F5: variants seen among roughly 807,000 people sequenced by gnomAD.
F5 encodes activated protein c cofactor.
F5 carries 138 observed loss-of-function variants against 216.4 expected under a neutral mutation model. The observed-to-expected ratio is 0.64, with a 90% CI of 0.56 to 0.73. The LOEUF is 0.73. Among genes scored for constraint, F5 ranks in the 30% least tolerant of loss-of-function variants. The pLI is 0.00. For missense variants in F5, 2,403 were observed against 2,674.0 expected, an observed-to-expected ratio of 0.90 and a Z score of 2.24; for synonymous variants, 916 against 930.7, an observed-to-expected ratio of 0.98 and a Z score of 0.29.
intron 15 of F5, 53 bp downstream of exon 15, chr1:169,530,733 C>T (rs1274453349): frequency 2.0e-6 from 3 of 1,488,946 alleles, no homozygotes; most frequent in Admixed American, 3.3e-5. Context: ...ATTTGGTGGA[C>T]TTCAGATTAC....
rs368064025 is a variant in F5, at chr1:169,525,937, C to T, written c.5680G>A (p.Ala1894Thr). The change falls in exon 18 of 25, where the codon GCA (alanine) becomes ACA (threonine). Residue 1894 changes from alanine to threonine, a missense_variant. Coordinates refer to ENST00000367797, the MANE Select transcript of F5 (RefSeq NM_000130.5). ...ATAAGAAATGGCGTTTGCATCCCTG[C>T]TCTCTGGTTTTCTCCAACCTCTGTG... is the stretch of plus-strand genomic sequence containing the variant. ...LNTEVGENQR[A>T]GMQTPFLIMD... 6.2e-7 allele frequency: 1 copy of T among 1,613,296 alleles called. No individual in the cohort carries two copies. Among genetic ancestry groups the T allele is most frequent in the Non-Finnish European group, 8.5e-7 (1 of 1,179,390 alleles).
At chr1:169,565,503 C>T (rs1660579096) in intron 3 of F5, among the ~76,000 whole-genome samples, 1 of 152,064 alleles carries the variant, frequency 6.6e-6, no homozygotes, top group Admixed American at 6.6e-5. Context: ...CAGCCTAGGT[C>T]AACAAGTCAA....
intron 19 of F5, among the ~76,000 whole-genome samples, chr1:169,524,218 C>A (rs1464908132): frequency 6.6e-6 from 1 of 152,176 alleles, no homozygotes; most frequent in Admixed American, 6.6e-5. Flanking sequence ...TATATGGGAG[C>A]CTCATCATCC....
rs183726377 is a variant in F5 at position 169,513,759 on chromosome 1, A to G, written c.*554T>C. 4.6e-5 allele frequency among the ~76,000 whole-genome samples: 7 copies of G among 152,234 alleles called. No individual in the cohort carries two copies. Among genetic ancestry groups the G allele is most frequent in the East Asian group, 1.9e-4 (1 of 5,164 alleles). On this transcript the variant is annotated 3_prime_UTR_variant, in exon 25 of 25. Coordinates refer to ENST00000367797, the MANE Select transcript of F5 (RefSeq NM_000130.5). ...AGACCAGGACGGATTCACAATTTCA[A>G]TGGGGCTACTGGAAAGATGCTTGGC...
chr1:169,580,152 A>G (rs924383358), intron 2 of F5, among the ~76,000 whole-genome samples: 7 of 152,112 alleles, frequency 4.6e-5, no homozygotes, highest in African/African-American at 1.4e-4. Context: ...TCAGCTATCA[A>G]TCTAGAAATA....
chr1:169,541,305 A>T lies in F5; in HGVS notation c.3785T>A (p.Leu1262His). Residue 1262 changes from leucine (L) to histidine (H), a missense_variant, in exon 13 of 25, where the codon CTC becomes CAC. Physicochemically the swap from Leu to His is moderately conservative, Grantham distance 99. Coordinates refer to ENST00000367797, the MANE Select transcript of F5 (RefSeq NM_000130.5). ...GGCTGGAGAAAGGTTTGTCTGACTG[A>T]GTTCTGGAGAGAGGTTTGTCTGGCT... ...DLSQTNLSPE[L>H]SQTNLSPALG... 1 of 1,574,040 alleles carries T rather than the reference A, an allele frequency of 6.4e-7. No individual in the cohort carries two copies. The highest frequency in any genetic ancestry group is 8.7e-7 in the Non-Finnish European group (1 of 1,154,944).
intron 24 of F5, 63 bp from the exon 25 acceptor site, chr1:169,514,522 G>T: frequency 1.4e-6 from 2 of 1,458,966 alleles, no homozygotes; most frequent in African/African-American, 1.4e-5. Context: ...TTTTGTTTTT[G>T]TTTTTTTTTA....
chr1:169,531,761 G>C (rs1571566882), intron 14 of F5, among the ~76,000 whole-genome samples: 1 of 152,232 alleles, frequency 6.6e-6, no homozygotes, highest in Non-Finnish European at 1.5e-5. Flanking sequence ...TCACACCCCA[G>C]CAGTCAGACC....
At chr1:169,527,466 A>G (rs984038709) in intron 17 of F5, among the ~76,000 whole-genome samples, 1 of 152,202 alleles carries the variant, frequency 6.6e-6, no homozygotes, top group African/African-American at 2.4e-5. Flanking sequence ...CAAACAGTCT[A>G]TAAGTCAGTT....
chr1:169,555,049 C>G, intron 7 of F5, 133 bp downstream of exon 7: 1 of 1,012,110 alleles, frequency 9.9e-7, no homozygotes, highest in Admixed American at 2.0e-5. Flanking sequence ...TTAATTTTTA[C>G]AAAAAGACTT....
intron 22 of F5, 46 bp from the exon 23 acceptor site, chr1:169,518,609 TG>T (rs757163642): frequency 1.2e-6 from 2 of 1,604,258 alleles, no homozygotes; most frequent in Non-Finnish European, 8.5e-7. Context: ...CAATATTCCC[TG>T]CATGGCTTCA....
intron 2 of F5, among the ~76,000 whole-genome samples, chr1:169,581,644 G>A (rs1232392244): frequency 1.3e-5 from 2 of 152,146 alleles, no homozygotes; most frequent in East Asian, 3.9e-4. Flanking sequence ...AAAGGGACAG[G>A]TGAATTACTG....
chr1:169,526,408 A>G (rs1557908209), intron 17 of F5, among the ~76,000 whole-genome samples: 1 of 152,012 alleles, frequency 6.6e-6, no homozygotes, highest in Non-Finnish European at 1.5e-5. Flanking sequence ...TCTCTTTTTT[A>G]TATAAGAAAA....
intron 3 of F5, among the ~76,000 whole-genome samples, chr1:169,571,215 A>G (rs779422641): frequency 3.9e-5 from 6 of 152,176 alleles, no homozygotes; most frequent in Non-Finnish European, 7.4e-5. Flanking sequence ...CCATATTAAC[A>G]TCAGGTACTT....
chr1:169,538,615 C>A (rs1659760483), intron 13 of F5, among the ~76,000 whole-genome samples: 1 of 152,090 alleles, frequency 6.6e-6, no homozygotes, highest in African/African-American at 2.4e-5. Flanking sequence ...GGGGTACACC[C>A]ATATAATGGA....
intron 22 of F5, among the ~76,000 whole-genome samples, 190 bp from the exon 23 acceptor site, chr1:169,518,753 T>C (rs1220532842): frequency 6.6e-6 from 1 of 152,186 alleles, no homozygotes; most frequent in Non-Finnish European, 1.5e-5. Flanking sequence ...ATAATGCTCA[T>C]AAATATCTCC....
chr1:169,527,991 C>T lies in F5; in HGVS notation c.5523G>A (p.Val1841=), dbSNP rs1659499959. 2 of 1,613,748 alleles carry T rather than the reference C, an allele frequency of 1.2e-6. No individual in the cohort carries two copies. The highest frequency in any genetic ancestry group is 2.7e-5 in the African/African-American group (2 of 74,888). ...LNIGGSQDIH[V]VHFHGQTLLE... ...GCAAGGTCTGGCCGTGAAAGTGAAC[C>T]ACGTGAATGTCTTGGGAGCCGCCTA... is the stretch of plus-strand genomic sequence containing the variant. Residue 1841 remains valine (V), a synonymous_variant, in exon 17 of 25, where the codon GTG becomes GTA. Transcript: ENST00000367797.
Position 169,544,785 on chromosome 1 carries a change from T to G in F5, c.1763-277A>C, listed in dbSNP as rs9332597. On this transcript the variant is annotated intron_variant, in intron 11 of 24. Coordinates refer to ENST00000367797, the MANE Select transcript of F5 (RefSeq NM_000130.5). Reference sequence around the variant, plus strand: ...AGTCATTCATCAAATGTATAGTAAATATTTTGTGCTCCATTCTCTGCCTTT... The same window carrying G: ...AGTCATTCATCAAATGTATAGTAAAGATTTTGTGCTCCATTCTCTGCCTTT... Among the ~76,000 whole-genome samples, 541 of 152,360 alleles carry G rather than the reference T, an allele frequency of 3.6e-3. 2 individuals carry two copies. The highest frequency in any genetic ancestry group is 0.014 in the Middle Eastern group (4 of 294).
chr1:169,520,607 T>C lies in F5; in HGVS notation c.6106A>G (p.Ile2036Val), dbSNP rs774169591. The change falls in exon 22 of 25, where the codon ATT becomes GTT. Residue 2036 changes from isoleucine to valine, a missense_variant. Physicochemically the swap from Ile to Val is conservative, Grantham distance 29 (BLOSUM62 3). Transcript: ENST00000367797. ...GAGATCCTAATATATCTAGCCACAA[T>C]AGGTGGGTCAAACTGATTCTCTTTT... Reference protein sequence around the residue: ...TIKENQFDPPIVARYIRISPT... With the variant: ...TIKENQFDPPVVARYIRISPT... 2 of 1,613,758 alleles carry C rather than the reference T, an allele frequency of 1.2e-6. No homozygotes were observed. The highest frequency in any genetic ancestry group is 2.7e-5 in the African/African-American group (2 of 74,888).
Sources: allele counts gnomAD v4.1 joint callset (sites outside exome capture counted in the v4.1 genomes callset), GRCh38; gene constraint gnomAD v4.1.1; transcripts MANE v1.5; gene names NCBI Gene and HGNC (gene_info 2026-07-23, HGNC 2026-07-21).